The following RELN variants were observed in gnomAD, a reference collection of about 807,000 sequenced individuals.
The protein encoded by RELN is reelin.
RELN carries 108 observed loss-of-function variants against 427.6 expected under a neutral mutation model. The observed-to-expected ratio is 0.25, with a 90% CI of 0.22 to 0.30. The LOEUF is 0.30. RELN is among the 10% of genes least tolerant of loss of function. The pLI is 1.00. For missense variants in RELN, 3,715 were observed against 4,302.8 expected (o/e 0.86, Z 3.82); for synonymous variants, 1,524 against 1,513.4 (o/e 1.01, Z -0.16).
chr7:103,518,606 G>C (rs947547330), intron 49 of RELN, among the ~76,000 whole-genome samples: 2 of 150,884 alleles, frequency 1.3e-5, no homozygotes, highest in African/African-American at 4.9e-5. Context: ...AAAGTGCTGG[G>C]ATTACAGGTG....
At position 103,989,269 on chromosome 7, in the gene RELN, A is replaced by T. The variant is rs764175823; in HGVS notation, c.88T>A (p.Tyr30Asn). ...TLRARAAAGY[Y>N]PRFSPFFFLC... ...AAAAAGAAGGGCGAAAAGCGGGGGT[A>T]ATAGCCAGCCGCCGCGCGCGCCCTC... Residue 30 changes from tyrosine to asparagine, a missense_variant, in exon 1 of 65, where the codon TAC becomes AAC. Physicochemically the swap from Tyr to Asn is moderately radical, Grantham distance 143 (BLOSUM62 -2). Around this residue, in one of 4 missense-constraint regions of RELN, gnomAD observed 2,208 missense variants for 2,361.7 expected, o/e 0.93. Coordinates refer to ENST00000428762, the MANE Select transcript of RELN (RefSeq NM_005045.4). This position sits in a 1 kb window ranked among gnomAD's most constrained non-coding sequence, Gnocchi z 4.9. 15 of 1,613,444 alleles carry T rather than the reference A, an allele frequency of 9.3e-6. No homozygotes were observed. Among genetic ancestry groups the T allele is most frequent in the Non-Finnish European group, 1.3e-5 (15 of 1,179,916 alleles).
intron 8 of RELN, among the ~76,000 whole-genome samples, chr7:103,703,294 T>C (rs2115808665): frequency 6.6e-6 from 1 of 152,302 alleles, no homozygotes; most frequent in South Asian, 2.1e-4. Context: ...TGTAGCTGTA[T>C]GTATAACTAG....
chr7:103,644,886 T>C (rs1202079539), intron 16 of RELN, among the ~76,000 whole-genome samples: 1 of 151,726 alleles, frequency 6.6e-6, no homozygotes, highest in Admixed American at 6.6e-5. Flanking sequence ...GGGAAAAATA[T>C]CTAATTATCT....
At chr7:103,598,578 T>G (rs1831593307) in intron 24 of RELN, among the ~76,000 whole-genome samples, 1 of 152,192 alleles carries the variant, frequency 6.6e-6, no homozygotes, top group Admixed American at 6.5e-5. Flanking sequence ...TTGAAATGAT[T>G]GCTCTACTGT....
At chr7:103,832,112 T>G (rs1273509054) in intron 3 of RELN, among the ~76,000 whole-genome samples, 14 of 152,166 alleles carry the variant, frequency 9.2e-5, no homozygotes, top group Admixed American at 9.2e-4. Context: ...ATTTTAGTGA[T>G]GTCTGACCCA....
chr7:103,560,594 TA>T (rs1394534128), intron 36 of RELN, among the ~76,000 whole-genome samples: 3 of 152,218 alleles, frequency 2.0e-5, no homozygotes, highest in African/African-American at 2.4e-5. Context: ...AGATGTGAGC[TA>T]ATGGTAATGA....
Position 103,615,636 on chromosome 7 carries a change from G to A in RELN, c.2703-3833C>T, listed in dbSNP as rs141044280. Reference sequence around the variant, plus strand: ...TGTTATGGAGAAGGAAAATAGAGAAGCTGAGTTGCTAGCCTCAGGGTCACA... The same window carrying A: ...TGTTATGGAGAAGGAAAATAGAGAAACTGAGTTGCTAGCCTCAGGGTCACA... On this transcript the variant is annotated intron_variant, in intron 20 of 64. Coordinates refer to ENST00000428762, the MANE Select transcript of RELN (RefSeq NM_005045.4). Among the ~76,000 whole-genome samples the A allele has an allele frequency of 6.6e-5, 10 of 152,238 alleles. No individual in the cohort carries two copies. In the East Asian group the frequency reaches 1.9e-3, roughly 29 times the overall value.
At chr7:103,898,450 T>A (rs4125502) in intron 2 of RELN, among the ~76,000 whole-genome samples, 4 of 151,932 alleles carry the variant, frequency 2.6e-5, no homozygotes, top group African/African-American at 9.7e-5. Flanking sequence ...TCATAAAAAT[T>A]TATAAAAGAT....
intron 1 of RELN, among the ~76,000 whole-genome samples, chr7:103,983,509 G>C (rs952282157): frequency 6.6e-6 from 1 of 152,174 alleles, no homozygotes; most frequent in Non-Finnish European, 1.5e-5. Context: ...GTCATTATGA[G>C]ATATTCATAT....
intron 20 of RELN, among the ~76,000 whole-genome samples, chr7:103,625,573 T>C (rs926802208): frequency 3.5e-4 from 54 of 152,190 alleles, no homozygotes; most frequent in African/African-American, 1.2e-3. Context: ...AGGCTCATGG[T>C]AGGTATTTGC....
intron 1 of RELN, among the ~76,000 whole-genome samples, chr7:103,918,446 C>G (rs888774280): frequency 3.3e-5 from 5 of 152,026 alleles, no homozygotes; most frequent in African/African-American, 1.2e-4. Context: ...GGCCCAGGAC[C>G]ATCTGATATC....
chr7:103,769,722 T>C lies in RELN; in HGVS notation c.544+6835A>G, dbSNP rs576308004. On this transcript the variant is annotated intron_variant, in intron 4 of 64. Transcript: ENST00000428762. Reference sequence around the variant, plus strand: ...CCTTCTGGGCCTTGGTGTCCTCCTATTGAACATAAACAATTTCACAGAACA... The same window carrying C: ...CCTTCTGGGCCTTGGTGTCCTCCTACTGAACATAAACAATTTCACAGAACA... Among the ~76,000 whole-genome samples the C allele has an allele frequency of 2.2e-4, 34 of 152,296 alleles. 1 individual carries two copies. The South Asian group carries it at 4.6e-3, about 20-fold the overall frequency.
intron 7 of RELN, among the ~76,000 whole-genome samples, chr7:103,725,953 A>T (rs1294405316): frequency 6.6e-6 from 1 of 152,194 alleles, no homozygotes; most frequent in African/African-American, 2.4e-5. Flanking sequence ...CCTTAGCCTA[A>T]TAAGGTTCTT....
chr7:103,622,794 G>C (rs368670806), intron 20 of RELN, among the ~76,000 whole-genome samples: 2 of 152,034 alleles, frequency 1.3e-5, no homozygotes, highest in South Asian at 4.2e-4. Flanking sequence ...CACTTATCAC[G>C]GTCTGGAATA....
At chr7:103,840,355 A>G (rs1010228582) in intron 2 of RELN, among the ~76,000 whole-genome samples, 1 of 152,186 alleles carries the variant, frequency 6.6e-6, no homozygotes, top group African/African-American at 2.4e-5. Context: ...ATTTGTTTTT[A>G]TTTACACAAA....
chr7:103,523,317 C>G (rs1246447788), intron 47 of RELN, 74 bp downstream of exon 47: 13 of 1,564,396 alleles, frequency 8.3e-6, no homozygotes, highest in Non-Finnish European at 1.1e-5. Context: ...ATTCAAAAAC[C>G]AGTTACAGAA....
chr7:103,697,792 C>A, intron 10 of RELN, 61 bp downstream of exon 10: 1 of 1,611,010 alleles, frequency 6.2e-7, no homozygotes, highest in Non-Finnish European at 8.5e-7. Context: ...GTTTATTGAG[C>A]TTCACTTTTA....
In RELN at chr7:103,574,376, A is replaced by G. The variant is rs1003342039; in HGVS notation, c.4304-77T>C. On this transcript the variant is annotated intron_variant, in intron 29 of 64. Transcript: ENST00000428762. ...CGAGGTCTATTCAACACATGGGCAA[A>G]GGAAGAATGTCCATAGGGATTAACA... 3.0e-5 allele frequency: 36 copies of G among 1,182,970 alleles called. No individual in the cohort carries two copies. In the African/African-American group the frequency reaches 3.4e-4, roughly 11 times the overall value. 73.3% of individuals were successfully genotyped at this position (1,182,970 alleles called of 1,614,324 possible).
chr7:103,944,430 C>A (rs1796179296), intron 1 of RELN, among the ~76,000 whole-genome samples: 1 of 152,054 alleles, frequency 6.6e-6, no homozygotes, highest in Admixed American at 6.6e-5. Flanking sequence ...GACTTGCAGG[C>A]CCAGAGACAG....
Sources: allele counts gnomAD v4.1 joint callset (sites outside exome capture counted in the v4.1 genomes callset), GRCh38; gene constraint gnomAD v4.1.1; regional missense constraint gnomAD v4.1.1; non-coding constraint Gnocchi (gnomAD v3.1); transcripts MANE v1.5; gene names NCBI Gene and HGNC (gene_info 2026-07-23, HGNC 2026-07-21).